The following FAM131C variants were observed in gnomAD, a reference collection of about 807,000 sequenced individuals.
The protein encoded by FAM131C is family with sequence similarity 131 member C, also known as protein FAM131C.
Under a neutral mutation model 29.8 loss-of-function variants are expected in FAM131C, and 14 were observed. The observed-to-expected ratio is 0.47, with a 90% CI of 0.31 to 0.73. The LOEUF is 0.73. FAM131C is among the 30% of genes least tolerant of loss of function. The probability of loss-of-function intolerance (pLI) is 0.05; values close to 1 mark genes in which losing one functional copy is unlikely to be tolerated. For synonymous variants in FAM131C, 86 were observed against 157.8 expected (o/e 0.54, Z 3.41); for missense variants, 252 against 383.8 (o/e 0.66, Z 2.87).
intron 2 of FAM131C, 37 bp downstream of exon 2, chr1:16,063,484 G>A: frequency 6.6e-7 from 1 of 1,505,808 alleles, no homozygotes; most frequent in South Asian, 1.1e-5. Flanking sequence ...CGGGAACCGG[G>A]GCGCAGGTAG....
At chr1:16,073,081 T>C (rs1419212544) in intron 1 of FAM131C, among the ~76,000 whole-genome samples, 1 of 151,874 alleles carries the variant, frequency 6.6e-6, no homozygotes, top group African/African-American at 2.4e-5. Context: ...CCGCAGTTCC[T>C]CCGGGAAGCC....
Position 16,057,848 on chromosome 1 carries a change from C to T in FAM131C, c.*589G>A, listed in dbSNP as rs1421676070. 2 of 162,488 alleles carry T rather than the reference C, an allele frequency of 1.2e-5. No homozygotes were observed. Among genetic ancestry groups the T allele is most frequent in the East Asian group, 1.8e-4 (1 of 5,554 alleles). The allele number at this position is 162,488 out of a possible 1,614,324, so 10.1% of individuals were successfully genotyped here. ...GGGAGCCGCAAGGAGGGGGAGTGGGCTCCCAGGGGTGAGGAGCAGGGGACA... is the reference window on the plus strand; with the variant it reads ...GGGAGCCGCAAGGAGGGGGAGTGGGTTCCCAGGGGTGAGGAGCAGGGGACA... On this transcript the variant is annotated 3_prime_UTR_variant, in exon 7 of 7. Coordinates refer to ENST00000375662, the MANE Select transcript of FAM131C (RefSeq NM_182623.3).
At chr1:16,064,557 G>A (rs1203803340) in intron 1 of FAM131C, among the ~76,000 whole-genome samples, 1 of 152,216 alleles carries the variant, frequency 6.6e-6, no homozygotes, top group Middle Eastern at 3.4e-3. Context: ...CATATGCTGC[G>A]ATGTGTCTTG....
intron 1 of FAM131C, among the ~76,000 whole-genome samples, chr1:16,065,679 AT>A (rs558102228): frequency 6.6e-6 from 1 of 151,986 alleles, no homozygotes; most frequent in Non-Finnish European, 1.5e-5. Flanking sequence ...GGATCCGAAA[AT>A]TCCCCTTCAC....
Position 16,057,782 on chromosome 1 carries a change from C to T in FAM131C, c.*655G>A, listed in dbSNP as rs368493854. On this transcript the variant is annotated 3_prime_UTR_variant, in exon 7 of 7. Transcript: ENST00000375662. ...AGGCCAAGGTCATCCAGGGTGAATC[C>T]ACCACTTTAATGTCCTCAGAGAACC... 2.1e-4 allele frequency: 37 copies of T among 173,026 alleles called. No individual in the cohort carries two copies. The East Asian group carries it at 5.2e-3, about 24-fold the overall frequency. The allele number at this position is 173,026 out of a possible 1,614,324, so 10.7% of individuals were successfully genotyped here.
At chr1:16,059,645 G>T (rs752951768) in intron 5 of FAM131C, 41 bp from the exon 6 acceptor site, 13 of 1,522,180 alleles carry the variant, frequency 8.5e-6, no homozygotes, top group African/African-American at 1.4e-5. Flanking sequence ...GGCATGGGTG[G>T]GGACGGCCTC....
Position 16,073,427 on chromosome 1 carries a change from A to T in FAM131C, c.16T>A (p.Ser6Thr). ...CCCGGCCGGGCCCCCTCACCTCGCG[A>T]CACGCAGGAGCCCATCACGGGGCCG... is the stretch of plus-strand genomic sequence containing the variant. MGSCV[S>T]RDLFTSAHKN... is the part of the protein sequence containing the mutation. Residue 6 changes from serine to threonine, a missense_variant, in exon 1 of 7, where the codon TCG (serine) becomes ACG (threonine). Coordinates refer to ENST00000375662, the MANE Select transcript of FAM131C (RefSeq NM_182623.3). The T allele has an allele frequency of 8.3e-7, 1 of 1,211,638 alleles. No homozygotes were observed. 75.1% of individuals were successfully genotyped at this position (1,211,638 alleles called of 1,614,324 possible).
rs1399773821 is a variant in FAM131C, at chr1:16,067,721, C to T, written c.23-4085G>A. On this transcript the variant is annotated intron_variant, in intron 1 of 6. Coordinates refer to ENST00000375662, the MANE Select transcript of FAM131C (RefSeq NM_182623.3). ...TAGAGTCTAACCTCCCAGACAGTTC[C>T]TCCTGATGTCTAGCCTAAACCCCTC... Among the ~76,000 whole-genome samples the T allele has an allele frequency of 2.6e-5, 4 of 152,300 alleles. No homozygotes were observed. The East Asian group carries it at 7.7e-4, about 29-fold the overall frequency.
chr1:16,066,185 C>G (rs2023680179), intron 1 of FAM131C, among the ~76,000 whole-genome samples: 1 of 152,212 alleles, frequency 6.6e-6, no homozygotes, highest in Admixed American at 6.5e-5. Context: ...CCACGCCCAG[C>G]CTGAGATTCA....
At chr1:16,066,125 G>A (rs1570357188) in intron 1 of FAM131C, among the ~76,000 whole-genome samples, 1 of 152,136 alleles carries the variant, frequency 6.6e-6, no homozygotes, top group African/African-American at 2.4e-5. Flanking sequence ...GACCTCAGGC[G>A]ATCCGCCTGC....
At chr1:16,068,311 C>T (rs533625893) in intron 1 of FAM131C, among the ~76,000 whole-genome samples, 3 of 152,274 alleles carry the variant, frequency 2.0e-5, no homozygotes, top group Non-Finnish European at 4.4e-5. Context: ...CTTGGATTCT[C>T]ATCTGTGAAA....
Position 16,065,480 on chromosome 1 carries a change from T to C in FAM131C, c.23-1844A>G, listed in dbSNP as rs528547310. ...TTGTGTCACTGGGGTTAGGGGACCATGTGGGTGCTGCCCCCAATTCCCCTG... is the reference window on the plus strand; with the variant it reads ...TTGTGTCACTGGGGTTAGGGGACCACGTGGGTGCTGCCCCCAATTCCCCTG... On this transcript the variant is annotated intron_variant, in intron 1 of 6. Coordinates refer to ENST00000375662, the MANE Select transcript of FAM131C (RefSeq NM_182623.3). Among the ~76,000 whole-genome samples the C allele has an allele frequency of 4.6e-5, 7 of 152,348 alleles. No homozygotes were observed. The South Asian group carries it at 6.2e-4, about 14-fold the overall frequency.
intron 1 of FAM131C, among the ~76,000 whole-genome samples, chr1:16,072,286 A>G (rs2023759960): frequency 6.6e-6 from 1 of 152,204 alleles, no homozygotes; most frequent in Non-Finnish European, 1.5e-5. Context: ...ATCCTGAGCC[A>G]CTTACCTGAA....
At chr1:16,061,005 G>A (rs1190109708) in intron 4 of FAM131C, among the ~76,000 whole-genome samples, 1 of 152,160 alleles carries the variant, frequency 6.6e-6, no homozygotes, top group Non-Finnish European at 1.5e-5. Context: ...AGATGGAGAG[G>A]GGGCTGCCAG....
chr1:16,070,535 T>G (rs947726361), intron 1 of FAM131C, among the ~76,000 whole-genome samples: 4 of 152,128 alleles, frequency 2.6e-5, no homozygotes, highest in Non-Finnish European at 4.4e-5. Flanking sequence ...CTCACACCTG[T>G]AATCCCAGCA....
chr1:16,063,354 C>T (rs1433612000), intron 2 of FAM131C, among the ~76,000 whole-genome samples, 167 bp downstream of exon 2: 1 of 152,118 alleles, frequency 6.6e-6, no homozygotes, highest in Non-Finnish European at 1.5e-5. Context: ...CAGTCCAGTC[C>T]AGCCCCTCAT....
chr1:16,072,112 G>T (rs1481141415), intron 1 of FAM131C, among the ~76,000 whole-genome samples: 1 of 152,160 alleles, frequency 6.6e-6, no homozygotes, highest in East Asian at 1.9e-4. Flanking sequence ...TGCTGTGCTG[G>T]GTTCCTTGCT....
Position 16,058,654 on chromosome 1 carries a change from T to C in FAM131C, c.626A>G (p.Gln209Arg), listed in dbSNP as rs1186591598. Reference protein sequence around the residue: ...PSGPSQDDSLQAFSSPSPSPD... With the variant: ...PSGPSQDDSLRAFSSPSPSPD... Reference sequence around the variant, plus strand: ...GGAGGGGCTGGGCGAGGAGAAGGCCTGAAGGCTGTCATCCTGTGAGGGGCC... The same window carrying C: ...GGAGGGGCTGGGCGAGGAGAAGGCCCGAAGGCTGTCATCCTGTGAGGGGCC... Residue 209 changes from glutamine (Q) to arginine (R), a missense_variant, in exon 7 of 7, where the codon CAG becomes CGG. Transcript: ENST00000375662. 2.5e-6 allele frequency: 4 copies of C among 1,599,190 alleles called. No individual in the cohort carries two copies. Among genetic ancestry groups the C allele is most frequent in the Non-Finnish European group, 3.4e-6 (4 of 1,174,624 alleles).
rs2023779622 is a variant in FAM131C, at chr1:16,073,449, G to A, written c.-7C>T. 1 of 1,207,048 alleles carries A rather than the reference G, an allele frequency of 8.3e-7. No homozygotes were observed. Among genetic ancestry groups the A allele is most frequent in the Non-Finnish European group, 1.0e-6 (1 of 971,630 alleles). 74.8% of individuals were successfully genotyped at this position (1,207,048 alleles called of 1,614,324 possible). Reference sequence around the variant, plus strand: ...GCGACACGCAGGAGCCCATCACGGGGCCGCGGGGCCGGGCCGCTGCGCCCG... The same window carrying A: ...GCGACACGCAGGAGCCCATCACGGGACCGCGGGGCCGGGCCGCTGCGCCCG... On this transcript the variant is annotated 5_prime_UTR_variant, in exon 1 of 7. Coordinates refer to ENST00000375662, the MANE Select transcript of FAM131C (RefSeq NM_182623.3).
Sources: allele counts gnomAD v4.1 joint callset (sites outside exome capture counted in the v4.1 genomes callset), GRCh38; gene constraint gnomAD v4.1.1; transcripts MANE v1.5; gene names NCBI Gene and HGNC (gene_info 2026-07-23, HGNC 2026-07-21).